The following SYNE1 variants were observed in gnomAD, a reference collection of about 807,000 sequenced individuals.
SYNE1 encodes the protein spectrin repeat containing nuclear envelope protein 1, also known as nesprin-1.
In SYNE1, 616 loss-of-function variants were observed where a neutral mutation model predicts 1,111.0. The ratio of observed to expected loss-of-function variants is 0.55; its 90% CI spans 0.52 to 0.59. The LOEUF (loss-of-function observed/expected upper bound fraction) is 0.59, where lower values mean the gene tolerates loss of function less well. Among genes scored for constraint, SYNE1 ranks in the 20% least tolerant of loss-of-function variants. The pLI is 0.00. For synonymous variants in SYNE1, 3,855 were observed against 3,825.8 expected (o/e 1.01, Z -0.28); for missense variants, 10,006 against 10,417.0 (o/e 0.96, Z 1.72).
At chr6:152,378,326 C>A (rs2097333069) in intron 56 of SYNE1, among the ~76,000 whole-genome samples, 1 of 152,064 alleles carries the variant, frequency 6.6e-6, no homozygotes, top group Non-Finnish European at 1.5e-5. Flanking sequence ...GTAAAGAAAC[C>A]ACATCCCTCA....
intron 91 of SYNE1, among the ~76,000 whole-genome samples, 182 bp downstream of exon 91, chr6:152,308,307 C>T (rs1012749999): frequency 7.9e-5 from 12 of 152,076 alleles, no homozygotes; most frequent in African/African-American, 2.7e-4. Flanking sequence ...GGGGAACGCA[C>T]GTGTTACTGA....
At chr6:152,426,908 A>C (rs976597715) in intron 38 of SYNE1, among the ~76,000 whole-genome samples, 1 of 152,244 alleles carries the variant, frequency 6.6e-6, no homozygotes, top group Non-Finnish European at 1.5e-5. Context: ...CAGAGAAGCG[A>C]TTACAAAAGG....
chr6:152,426,651 C>T (rs2098361096), intron 38 of SYNE1, among the ~76,000 whole-genome samples: 1 of 152,206 alleles, frequency 6.6e-6, no homozygotes, highest in Admixed American at 6.5e-5. Flanking sequence ...GGGAATACCC[C>T]ACATGTATTT....
At chr6:152,475,464 TATC>T (rs1436283199) in intron 14 of SYNE1, among the ~76,000 whole-genome samples, 4 of 152,232 alleles carry the variant, frequency 2.6e-5, no homozygotes, top group African/African-American at 9.6e-5. Flanking sequence ...CATATAAGAA[TATC>T]ATATCTCATG....
chr6:152,582,020 G>A (rs2099521531), intron 3 of SYNE1, among the ~76,000 whole-genome samples: 1 of 151,882 alleles, frequency 6.6e-6, no homozygotes, highest in Admixed American at 6.6e-5. Context: ...TTCCAATCTG[G>A]CCTCAACCTA....
At chr6:152,612,495 G>A (rs1424263958) in intron 3 of SYNE1, among the ~76,000 whole-genome samples, 1 of 152,146 alleles carries the variant, frequency 6.6e-6, no homozygotes, top group African/African-American at 2.4e-5. Flanking sequence ...TGAAATTGAG[G>A]CAATAATTAA....
At position 152,387,185 on chromosome 6, in the gene SYNE1, G is replaced by A. The variant is rs1249221823; in HGVS notation, c.8374C>T (p.Arg2792Cys). Residue 2792 changes from arginine to cysteine, a missense_variant, in exon 54 of 146, where the codon CGT becomes TGT. Around this residue, in one of 7 missense-constraint regions of SYNE1, gnomAD observed 4,955 missense variants for 5,017.2 expected, o/e 0.99. Coordinates refer to ENST00000367255, the MANE Select transcript of SYNE1 (RefSeq NM_182961.4). ...AGCTCCCTGGACTTCGCAATTAGACGGTGAAGGGCTCTCGTGTGATCTTCT... is the reference window on the plus strand; with the variant it reads ...AGCTCCCTGGACTTCGCAATTAGACAGTGAAGGGCTCTCGTGTGATCTTCT... Reference protein sequence around the residue: ...EAEDHTRALHRLIAKSRELYE... With the variant: ...EAEDHTRALHCLIAKSRELYE... 9 of 1,613,998 alleles carry A rather than the reference G, an allele frequency of 5.6e-6. No homozygotes were observed. The highest frequency in any genetic ancestry group is 4.0e-5 in the African/African-American group (3 of 74,916).
At chr6:152,259,800 C>T (rs1283218884) in intron 101 of SYNE1, among the ~76,000 whole-genome samples, 1 of 152,098 alleles carries the variant, frequency 6.6e-6, no homozygotes, top group East Asian at 1.9e-4. Flanking sequence ...GAGAGGAAAA[C>T]AACCTATGAG....
intron 29 of SYNE1, 100 bp downstream of exon 29, chr6:152,447,358 T>A: frequency 7.5e-7 from 1 of 1,341,200 alleles, no homozygotes; most frequent in Admixed American, 2.1e-5. Context: ...CAACTATGGT[T>A]TCTTTATAAA....
intron 8 of SYNE1, among the ~76,000 whole-genome samples, chr6:152,509,276 A>C (rs1594284488): frequency 8.9e-6 from 1 of 112,932 alleles, no homozygotes; most frequent in Admixed American, 1.3e-4. Flanking sequence ...TTTGAGATGG[A>C]GTCTAGCTCT....
chr6:152,236,736 T>C, intron 109 of SYNE1, 81 bp downstream of exon 109: 3 of 1,530,940 alleles, frequency 2.0e-6, no homozygotes, highest in Non-Finnish European at 9.1e-7. Context: ...ACTAATAAAA[T>C]AATTGATCAC....
At chr6:152,215,930 T>C (rs1462622234) in intron 121 of SYNE1, among the ~76,000 whole-genome samples, 1 of 152,194 alleles carries the variant, frequency 6.6e-6, no homozygotes, top group Non-Finnish European at 1.5e-5. Flanking sequence ...CAGTTTTAGG[T>C]CTCTGACCCG....
chr6:152,215,683 A>G (rs2078465401), intron 121 of SYNE1, among the ~76,000 whole-genome samples: 1 of 152,232 alleles, frequency 6.6e-6, no homozygotes, highest in Non-Finnish European at 1.5e-5. Context: ...CTATGAATCA[A>G]GCACTGACAA....
chr6:152,289,979 C>G (rs1048365717), intron 95 of SYNE1, among the ~76,000 whole-genome samples: 17 of 150,666 alleles, frequency 1.1e-4, no homozygotes, highest in Non-Finnish European at 8.8e-5. Flanking sequence ...TGGGCAGTCT[C>G]CCATCCAAGT....
intron 3 of SYNE1, among the ~76,000 whole-genome samples, chr6:152,625,408 G>A (rs893979663): frequency 2.0e-5 from 3 of 152,226 alleles, no homozygotes; most frequent in African/African-American, 7.2e-5. Context: ...ACACTCGCCA[G>A]ATCACTTTCA....
intron 4 of SYNE1, among the ~76,000 whole-genome samples, chr6:152,534,211 A>C (rs2099222167): frequency 6.6e-6 from 1 of 151,820 alleles, no homozygotes; most frequent in African/African-American, 2.4e-5. Context: ...TGAATAAATA[A>C]ATAAATAAAA....
chr6:152,602,460 T>C (rs1248192951), intron 3 of SYNE1, among the ~76,000 whole-genome samples: 2 of 152,190 alleles, frequency 1.3e-5, no homozygotes, highest in Admixed American at 1.3e-4. Flanking sequence ...TTCTAGCTTC[T>C]AGAACCAAGA....
chr6:152,599,429 T>C (rs2099590889), intron 3 of SYNE1, among the ~76,000 whole-genome samples: 1 of 152,128 alleles, frequency 6.6e-6, no homozygotes, highest in South Asian at 2.1e-4. Flanking sequence ...GGTGACACTA[T>C]CAGATCAAAG....
intron 36 of SYNE1, among the ~76,000 whole-genome samples, chr6:152,428,704 T>G (rs1011939059): frequency 4.6e-5 from 7 of 152,272 alleles, no homozygotes; most frequent in African/African-American, 1.7e-4. Context: ...ATTTTACTTT[T>G]ACAAATTATA....
Sources: gnomAD v4.1 joint callset for allele counts (sites outside exome capture counted in the v4.1 genomes callset) on GRCh38, gnomAD v4.1.1 for gene constraint, gnomAD v4.1.1 regional missense constraint, MANE v1.5 for transcripts, NCBI Gene and HGNC (gene_info 2026-07-23, HGNC 2026-07-21) for gene names.